OR4K1: variants seen among roughly 807,000 people sequenced by gnomAD.
The protein encoded by OR4K1 is olfactory receptor 4K1.
In OR4K1, 16 loss-of-function variants were observed where a neutral mutation model predicts 14.4. The observed-to-expected ratio is 1.11, with a 90% CI of 0.75 to 1.68. The LOEUF (loss-of-function observed/expected upper bound fraction) is 1.68, where lower values mean the gene tolerates loss of function less well. OR4K1 is among the 40% of genes most tolerant of loss of function. OR4K1 has a pLI of 0.00. For synonymous variants in OR4K1, 181 were observed against 133.1 expected, an observed-to-expected ratio of 1.36 and a Z score of -2.48; for missense variants, 548 against 376.9, an observed-to-expected ratio of 1.45 and a Z score of -3.76.
the OR4K1 span, among the ~76,000 whole-genome samples, chr14:19,923,213 G>T: frequency 2.0e-5 from 3 of 152,106 alleles, no homozygotes; most frequent in Admixed American, 2.0e-4. Context: ...TACATTTTCA[G>T]CTTCAGTGTA....
the OR4K1 span, among the ~76,000 whole-genome samples, chr14:19,925,256 TG>T: frequency 2.6e-5 from 4 of 152,202 alleles, no homozygotes; most frequent in Admixed American, 2.6e-4. Flanking sequence ...ATTTGAACAT[TG>T]ATTATATTAC....
Position 19,935,807 on chromosome 14 carries a change from C to T in OR4K1, c.141C>T (p.Val47=). The part of the protein sequence containing the change: ...TSVLGNVLII[V]IISFDSHLNS... ...TGCTAGGCAATGTCTTAATTATTGT[C>T]ATTATTTCTTTTGACTCCCATTTGA... Residue 47 remains valine, a synonymous_variant, in exon 2 of 2, where the codon GTC becomes GTT. Coordinates refer to ENST00000641172, the MANE Select transcript of OR4K1 (RefSeq NM_001004063.3). 6.2e-7 allele frequency: 1 copy of T among 1,614,120 alleles called. No homozygotes were observed. The highest frequency in any genetic ancestry group is 2.2e-5 in the East Asian group (1 of 44,890).
At position 19,936,040 on chromosome 14, in the gene OR4K1, C is replaced by T; in HGVS notation, c.374C>T (p.Ala125Val). Residue 125 changes from alanine to valine, a missense_variant, in exon 2 of 2, where the codon GCC becomes GTC. Physicochemically the swap from Ala to Val is moderately conservative, Grantham distance 64 (BLOSUM62 0). Transcript: ENST00000641172. The stretch of plus-strand genomic sequence containing the variant: ...GCTATGGCATATGACAGATTTATAG[C>T]CATATGTAAGCCTCTGCACTACAGT... ...LVAMAYDRFI[A>V]ICKPLHYSTI... 1 of 1,614,206 alleles carries T rather than the reference C, an allele frequency of 6.2e-7. No individual in the cohort carries two copies. The highest frequency in any genetic ancestry group is 1.1e-5 in the South Asian group (1 of 91,084).
At chr14:19,929,939 A>T (rs2138588748), upstream of OR4K1, among the ~76,000 whole-genome samples, 1 of 152,338 alleles carries the variant, frequency 6.6e-6, no homozygotes, top group Non-Finnish European at 1.5e-5. Context: ...ATATTTTAAA[A>T]CTTTAATTCA....
the OR4K1 span, among the ~76,000 whole-genome samples, chr14:19,924,129 G>A: frequency 2.6e-5 from 4 of 152,078 alleles, no homozygotes; most frequent in East Asian, 1.9e-4. Flanking sequence ...GGCTGGGTGC[G>A]GTGGCTCACG....
upstream of OR4K1, among the ~76,000 whole-genome samples, chr14:19,929,984 G>A (rs552560909): frequency 4.5e-4 from 68 of 152,228 alleles, 1 homozygote; most frequent in African/African-American, 1.5e-3. Context: ...ATAAAAGTTC[G>A]AACATAATTT....
intron 1 of OR4K1, 141 bp downstream of exon 1, chr14:19,931,286 GGAA>G (rs1301891612): frequency 1.3e-5 from 2 of 152,256 alleles, no homozygotes; most frequent in African/African-American, 2.4e-5. Flanking sequence ...AACTCCCTCT[GGAA>G]GAAGAATATT....
In OR4K1 at chr14:19,936,388, C is replaced by G; in HGVS notation, c.722C>G (p.Thr241Ser). The change falls in exon 2 of 2, where the codon ACT becomes AGT. Residue 241 changes from threonine (T) to serine (S), a missense_variant. Coordinates refer to ENST00000641172, the MANE Select transcript of OR4K1 (RefSeq NM_001004063.3). Reference protein sequence around the residue: ...SGSSKALSTLTAHITVVILFF... With the variant: ...SGSSKALSTLSAHITVVILFF... ...TCATCTAAGGCTCTTTCTACATTAACTGCCCACATCACAGTGGTCATTCTT... is the reference window on the plus strand; with the variant it reads ...TCATCTAAGGCTCTTTCTACATTAAGTGCCCACATCACAGTGGTCATTCTT... The G allele has an allele frequency of 6.2e-7, 1 of 1,614,246 alleles. No individual in the cohort carries two copies. The highest frequency in any genetic ancestry group is 8.5e-7 in the Non-Finnish European group (1 of 1,180,040).
chr14:19,936,439 A>G lies in OR4K1; in HGVS notation c.773A>G (p.Tyr258Cys), dbSNP rs1882326304. The change falls in exon 2 of 2, where the codon TAT becomes TGT. Residue 258 changes from tyrosine (Y) to cysteine (C), a missense_variant. Coordinates refer to ENST00000641172, the MANE Select transcript of OR4K1 (RefSeq NM_001004063.3). ...ILFFGPCIYFYIWPFSRLPVD... is the reference protein window; with the variant it reads ...ILFFGPCIYFCIWPFSRLPVD... ...TTCTTCGGGCCTTGCATTTATTTCT[A>G]TATATGGCCTTTTAGCAGACTTCCT... 3 of 1,614,096 alleles carry G rather than the reference A, an allele frequency of 1.9e-6. No individual in the cohort carries two copies. The highest frequency in any genetic ancestry group is 2.7e-5 in the African/African-American group (2 of 75,050).
intron 1 of OR4K1, among the ~76,000 whole-genome samples, chr14:19,932,552 G>A (rs953185707): frequency 1.3e-5 from 2 of 152,224 alleles, no homozygotes; most frequent in African/African-American, 4.8e-5. Flanking sequence ...AATTTTAGGA[G>A]CTGAGACTAA....
At chr14:19,925,882 A>G in the OR4K1 span, among the ~76,000 whole-genome samples, 1 of 152,278 alleles carries the variant, frequency 6.6e-6, no homozygotes, top group Non-Finnish European at 1.5e-5. Flanking sequence ...GGAGGAAAGT[A>G]TCAGAGGTAC....
Position 19,935,688 on chromosome 14 carries a change from A to G in OR4K1, c.22A>G (p.Met8Val), listed in dbSNP as rs1466397788. The change falls in exon 2 of 2, where the codon ATG becomes GTG. Residue 8 changes from methionine to valine, a missense_variant. Coordinates refer to ENST00000641172, the MANE Select transcript of OR4K1 (RefSeq NM_001004063.3). ...ATACATGGCTCACACAAATGAATCG[A>G]TGGTGTCTGAGTTTGTACTTTTGGG... MAHTNES[M>V]VSEFVLLGLS... 6.2e-7 allele frequency: 1 copy of G among 1,602,694 alleles called. No homozygotes were observed. The highest frequency in any genetic ancestry group is 8.5e-7 in the Non-Finnish European group (1 of 1,176,228).
At chr14:19,934,736 T>C (rs1246246486) in intron 1 of OR4K1, among the ~76,000 whole-genome samples, 3 of 151,964 alleles carry the variant, frequency 2.0e-5, no homozygotes, top group Non-Finnish European at 4.4e-5. Context: ...AGTGGTGTGA[T>C]CTCGGCTCAC....
At chr14:19,921,958 A>G in the OR4K1 span, among the ~76,000 whole-genome samples, 2 of 152,232 alleles carry the variant, frequency 1.3e-5, no homozygotes, top group African/African-American at 4.8e-5. Flanking sequence ...TTCTATGTGG[A>G]TGAATAGTAT....
At chr14:19,924,628 A>G in the OR4K1 span, among the ~76,000 whole-genome samples, 2 of 152,190 alleles carry the variant, frequency 1.3e-5, no homozygotes, top group African/African-American at 4.8e-5. Flanking sequence ...ATCGTGGAAG[A>G]CGGTGTAGCT....
At chr14:19,933,776 G>A (rs1479513002) in intron 1 of OR4K1, among the ~76,000 whole-genome samples, 2 of 152,112 alleles carry the variant, frequency 1.3e-5, no homozygotes, top group African/African-American at 2.4e-5. Context: ...TAGTAGAGAC[G>A]GGGTTTCACC....
At chr14:19,934,589 AATTTTCAGAGTGTAACC>A (rs1882260254) in intron 1 of OR4K1, among the ~76,000 whole-genome samples, 1 of 152,242 alleles carries the variant, frequency 6.6e-6, no homozygotes, top group South Asian at 2.1e-4. Flanking sequence ...CCTTCAGAGA[AATTTTCAGAGTGTAACC>A]ATTGGCTCTT....
upstream of OR4K1, among the ~76,000 whole-genome samples, chr14:19,930,440 C>T (rs1460761964): frequency 1.3e-5 from 2 of 152,184 alleles, no homozygotes. Flanking sequence ...ATGAGAGCCT[C>T]TTTAAATATT....
chr14:19,926,879 C>T (rs1882073554), upstream of OR4K1, among the ~76,000 whole-genome samples: 1 of 152,258 alleles, frequency 6.6e-6, no homozygotes, highest in African/African-American at 2.4e-5. Context: ...AAAAAAAGCT[C>T]TGCAGAAGCC....
Sources: allele counts gnomAD v4.1 joint callset (sites outside exome capture counted in the v4.1 genomes callset), GRCh38; gene constraint gnomAD v4.1.1; transcripts MANE v1.5; gene names NCBI Gene and HGNC (gene_info 2026-07-23, HGNC 2026-07-21).